Variants in PANK3 observed in about 807,000 individuals in gnomAD.
PANK3 encodes the protein hPanK3.
PANK3 carries 20 observed loss-of-function variants against 39.4 expected under a neutral mutation model. The ratio of observed to expected loss-of-function variants is 0.51; its 90% CI spans 0.36 to 0.74. The LOEUF is 0.74. Among genes scored for constraint, PANK3 ranks in the 30% least tolerant of loss-of-function variants. The pLI is 0.00. For synonymous variants in PANK3, 140 were observed against 157.3 expected, an observed-to-expected ratio of 0.89 and a Z score of 0.82; for missense variants, 265 against 437.0, an observed-to-expected ratio of 0.61 and a Z score of 3.51.
At chr5:168,570,081 G>T (rs1244685093) in intron 1 of PANK3, among the ~76,000 whole-genome samples, 1 of 151,876 alleles carries the variant, frequency 6.6e-6, no homozygotes, top group Non-Finnish European at 1.5e-5. Flanking sequence ...ATTCCCTTCA[G>T]TAAATAATCA....
At chr5:168,579,211 C>T in intron 1 of PANK3, 45 bp downstream of exon 1, 9 of 1,474,864 alleles carry the variant, frequency 6.1e-6, no homozygotes, top group Non-Finnish European at 8.1e-6. Context: ...CAGACGGGGC[C>T]CAAGGGTGCC....
intron 6 of PANK3, among the ~76,000 whole-genome samples, chr5:168,558,026 T>C (rs1759378855): frequency 6.6e-6 from 1 of 152,068 alleles, no homozygotes; most frequent in African/African-American, 2.4e-5. Context: ...CCTCTCCCCT[T>C]TACTTAATAA....
Position 168,553,552 on chromosome 5 carries a change from G to A in PANK3, c.*4019C>T, listed in dbSNP as rs1449391588. 3.1e-6 allele frequency: 1 copy of A among 326,328 alleles called. No individual in the cohort carries two copies. The highest frequency in any genetic ancestry group is 6.0e-6 in the Non-Finnish European group (1 of 166,578). The allele number at this position is 326,328 out of a possible 1,614,324, so 20.2% of individuals were successfully genotyped here. A position where few individuals can be genotyped will look rare whatever the true frequency, so the allele number is the denominator to read the frequency against. The stretch of plus-strand genomic sequence containing the variant: ...AGGGGGACATGAGCAAAACCTCAGA[G>A]GGAGAGTCTTCTGACCTCTCTTTCA... On this transcript the variant is annotated 3_prime_UTR_variant, in exon 7 of 7. Coordinates refer to ENST00000239231, the MANE Select transcript of PANK3 (RefSeq NM_024594.4).
intron 3 of PANK3, among the ~76,000 whole-genome samples, chr5:168,564,840 A>G (rs1434267902): frequency 1.3e-5 from 2 of 152,202 alleles, no homozygotes; most frequent in African/African-American, 4.8e-5. Context: ...ATTTCACATG[A>G]CCTACACATA....
At position 168,548,700 on chromosome 5, in the gene PANK3, G is replaced by C. The variant is rs1160037764; in HGVS notation, c.*8871C>G. On this transcript the variant is annotated 3_prime_UTR_variant, in exon 7 of 7. Coordinates refer to ENST00000239231, the MANE Select transcript of PANK3 (RefSeq NM_024594.4). The stretch of plus-strand genomic sequence containing the variant: ...ATAAGCATTAAGGAAAAGAATACGG[G>C]AATGTTTACAGAATGCGCCATGGCA... 1 of 152,058 alleles carries C rather than the reference G, an allele frequency of 6.6e-6. No homozygotes were observed. Among genetic ancestry groups the C allele is most frequent in the East Asian group, 1.9e-4 (1 of 5,194 alleles). The allele number at this position is 152,058 out of a possible 1,614,324, so 9.4% of individuals were successfully genotyped here. A position where few individuals can be genotyped will look rare whatever the true frequency, so the allele number is the denominator to read the frequency against.
chr5:168,572,551 C>A (rs577177771), intron 1 of PANK3, among the ~76,000 whole-genome samples: 1 of 144,466 alleles, frequency 6.9e-6, no homozygotes, highest in African/African-American at 2.6e-5. Flanking sequence ...TTACAAAGAA[C>A]CTTCTTAAGG....
chr5:168,556,250 A>C lies in PANK3; in HGVS notation c.*1321T>G, dbSNP rs980969899. On this transcript the variant is annotated 3_prime_UTR_variant, in exon 7 of 7. Transcript: ENST00000239231. ...AAGTGGAAGGCATTCTTTTAAGGGG[A>C]TAAGAAGCAAATGGAAGACTTGCTC... The C allele has an allele frequency of 4.6e-5, 7 of 152,188 alleles. No homozygotes were observed. The highest frequency in any genetic ancestry group is 1.4e-4 in the African/African-American group (6 of 41,450). The allele number at this position is 152,188 out of a possible 1,614,324, so 9.4% of individuals were successfully genotyped here.
chr5:168,563,581 T>C (rs1277716202), intron 4 of PANK3, among the ~76,000 whole-genome samples: 2 of 152,016 alleles, frequency 1.3e-5, no homozygotes, highest in Admixed American at 6.6e-5. Flanking sequence ...AGAGTATATA[T>C]AGTATGCCAT....
At chr5:168,575,640 G>C (rs939423840) in intron 1 of PANK3, among the ~76,000 whole-genome samples, 1 of 152,104 alleles carries the variant, frequency 6.6e-6, no homozygotes, top group Non-Finnish European at 1.5e-5. Context: ...AAAAAAATTA[G>C]CTGGGCATAG....
chr5:168,562,131 G>A (rs1759457754), intron 4 of PANK3, among the ~76,000 whole-genome samples: 1 of 152,120 alleles, frequency 6.6e-6, no homozygotes, highest in Non-Finnish European at 1.5e-5. Context: ...CGTGGCTAGA[G>A]GCTACTGTAA....
rs1461945069 is a variant in PANK3, at chr5:168,568,643, T to C, written c.381+3A>G. 6 of 1,591,138 alleles carry C rather than the reference T, an allele frequency of 3.8e-6. No individual in the cohort carries two copies. Among genetic ancestry groups the C allele is most frequent in the Middle Eastern group, 1.7e-4 (1 of 5,984 alleles). ...TTTTCAGTTTTGAGTAAAAGATACC[T>C]ACTGTGCGAAAATCTTTTTCAAACT... is the stretch of plus-strand genomic sequence containing the variant. On this transcript the variant is annotated splice_donor_region_variant and intron_variant, in intron 2 of 6. Transcript: ENST00000239231.
chr5:168,554,806 T>TGTA lies in PANK3; in HGVS notation c.*2764_*2765insTAC, dbSNP rs1759324388. On this transcript the variant is annotated 3_prime_UTR_variant, in exon 7 of 7. Transcript: ENST00000239231. ...TGACAGTAACTACAAGTTTTATACC[T>TGTA]GTGGCAAATACTGTATTAGCATCTA... 6.6e-6 allele frequency: 1 copy of TGTA among 152,242 alleles called. No individual in the cohort carries two copies. Among genetic ancestry groups the TGTA allele is most frequent in the African/African-American group, 2.4e-5 (1 of 41,462 alleles). The allele number at this position is 152,242 out of a possible 1,614,324, so 9.4% of individuals were successfully genotyped here.
chr5:168,552,532 G>T lies in PANK3; in HGVS notation c.*5039C>A. Reference sequence around the variant, plus strand: ...AACTAGAAAGTTGGAGGTCCAGTTGGAGCAACCAGCCACTGCTATTGCAAA... The same window carrying T: ...AACTAGAAAGTTGGAGGTCCAGTTGTAGCAACCAGCCACTGCTATTGCAAA... On this transcript the variant is annotated 3_prime_UTR_variant, in exon 7 of 7. Coordinates refer to ENST00000239231, the MANE Select transcript of PANK3 (RefSeq NM_024594.4). 1 of 191,576 alleles carries T rather than the reference G, an allele frequency of 5.2e-6. No individual in the cohort carries two copies. Among genetic ancestry groups the T allele is most frequent in the East Asian group, 1.4e-4 (1 of 7,112 alleles). The allele number at this position is 191,576 out of a possible 1,614,324, so 11.9% of individuals were successfully genotyped here.
intron 6 of PANK3, among the ~76,000 whole-genome samples, chr5:168,558,617 A>G (rs993194306): frequency 6.6e-6 from 1 of 152,230 alleles, no homozygotes; most frequent in African/African-American, 2.4e-5. Flanking sequence ...ACTTAACTGC[A>G]TGTAGTAAAT....
At chr5:168,564,546 G>A (rs1206263733) in intron 3 of PANK3, among the ~76,000 whole-genome samples, 1 of 152,050 alleles carries the variant, frequency 6.6e-6, no homozygotes, top group African/African-American at 2.4e-5. Context: ...CAATCTTCCT[G>A]TTCCAGCCTC....
At chr5:168,563,836 C>G (rs548786401) in intron 4 of PANK3, 53 bp downstream of exon 4, 1 of 1,472,068 alleles carries the variant, frequency 6.8e-7, no homozygotes, top group African/African-American at 1.4e-5. Context: ...AAAACATAAG[C>G]AACTTGAATT....
chr5:168,564,836 C>G (rs1759500731), intron 3 of PANK3, among the ~76,000 whole-genome samples: 1 of 152,218 alleles, frequency 6.6e-6, no homozygotes, highest in Non-Finnish European at 1.5e-5. Context: ...TAATATTTCA[C>G]ATGACCTACA....
chr5:168,567,136 CA>C (rs1403907521), intron 2 of PANK3, among the ~76,000 whole-genome samples: 1 of 152,158 alleles, frequency 6.6e-6, no homozygotes, highest in Non-Finnish European at 1.5e-5. Context: ...GGAATTTTAC[CA>C]AGTGTTTGTT....
Position 168,552,512 on chromosome 5 carries a change from G to C in PANK3, c.*5059C>G. 1 of 181,158 alleles carries C rather than the reference G, an allele frequency of 5.5e-6. No individual in the cohort carries two copies. Among genetic ancestry groups the C allele is most frequent in the Middle Eastern group, 7.1e-4 (1 of 1,404 alleles). 11.2% of individuals were successfully genotyped at this position (181,158 alleles called of 1,614,324 possible). On this transcript the variant is annotated 3_prime_UTR_variant, in exon 7 of 7. Transcript: ENST00000239231. ...TTGTTCAGGAAGAGCAATCCAACTA[G>C]AAAGTTGGAGGTCCAGTTGGAGCAA...
Sources: gnomAD v4.1 joint callset for allele counts (sites outside exome capture counted in the v4.1 genomes callset) on GRCh38, gnomAD v4.1.1 for gene constraint, MANE v1.5 for transcripts, NCBI Gene and HGNC (gene_info 2026-07-23, HGNC 2026-07-21) for gene names.